NUP98: variants seen among roughly 807,000 people sequenced by gnomAD.
The protein encoded by NUP98 is nuclear pore complex protein Nup98-Nup96.
A neutral mutation model predicts 191.9 loss-of-function variants in NUP98; 26 were observed. That is an observed-to-expected ratio of 0.14 (90% confidence interval 0.10 to 0.19). The LOEUF is 0.19. Ranked by LOEUF, NUP98 falls within the 10% of genes least tolerant of loss-of-function variation. NUP98 has a pLI of 1.00. For synonymous variants in NUP98, 808 were observed against 778.4 expected (o/e 1.04, Z -0.63); for missense variants, 1,941 against 2,178.8 (o/e 0.89, Z 2.17).
chr11:3,766,008 C>G (rs1266659367), intron 8 of NUP98, among the ~76,000 whole-genome samples: 2 of 152,120 alleles, frequency 1.3e-5, no homozygotes, highest in Non-Finnish European at 2.9e-5. Flanking sequence ...TGGACTCTCA[C>G]TTCTATTCAA....
chr11:3,763,013 T>G lies in NUP98; in HGVS notation c.975A>C (p.Ser325=). 6.2e-7 allele frequency: 1 copy of G among 1,614,130 alleles called. No homozygotes were observed. The highest frequency in any genetic ancestry group is 1.1e-5 in the South Asian group (1 of 91,088). The change falls in exon 9 of 33, where the codon TCA becomes TCC. Residue 325 remains serine, a synonymous_variant. Transcript: ENST00000324932. The stretch of plus-strand genomic sequence containing the variant: ...CTGTCCCAAAAAGACCTCCAGGCTG[T>G]GAGGCTTGGGTTACTCCAAATAATC... The part of the protein sequence containing the change: ...TMGLFGVTQA[S]QPGGLFGTAT...
intron 10 of NUP98, among the ~76,000 whole-genome samples, chr11:3,755,715 G>A (rs1046841864): frequency 7.2e-5 from 11 of 151,988 alleles, no homozygotes; most frequent in Non-Finnish European, 1.6e-4. Flanking sequence ...CTGTAATCCC[G>A]CCACTTTGGG....
intron 10 of NUP98, among the ~76,000 whole-genome samples, chr11:3,757,263 C>T (rs2080999575): frequency 6.6e-6 from 1 of 152,008 alleles, no homozygotes; most frequent in East Asian, 1.9e-4. Flanking sequence ...CCAAGACAGG[C>T]AGATCACCTG....
intron 10 of NUP98, among the ~76,000 whole-genome samples, chr11:3,756,641 C>G (rs1459350469): frequency 1.3e-5 from 2 of 151,090 alleles, no homozygotes; most frequent in African/African-American, 4.9e-5. Flanking sequence ...CAGTCTATCT[C>G]GAACTCCTGA....
chr11:3,675,406 CCAGA>C lies in NUP98; in HGVS notation c.*749_*752del, dbSNP rs141043875. On this transcript the variant is annotated 3_prime_UTR_variant, in exon 33 of 33. Coordinates refer to ENST00000324932, the MANE Select transcript of NUP98 (RefSeq NM_016320.5). ...TTTTATCCAAACTCTGCAGGCAAATCCAGACAGAGTCTCAGCAAGACTGAAAACC... is the reference window on the plus strand; with the variant it reads ...TTTTATCCAAACTCTGCAGGCAAATCCAGAGTCTCAGCAAGACTGAAAACC... 0.024 allele frequency: 5,312 copies of C among 226,028 alleles called. 311 individuals carry two copies. The highest frequency in any genetic ancestry group is 0.11 in the African/African-American group (4,969 of 44,980). 14.0% of individuals were successfully genotyped at this position (226,028 alleles called of 1,614,324 possible).
chr11:3,757,386 C>G (rs1398191721), intron 10 of NUP98, among the ~76,000 whole-genome samples: 3 of 151,768 alleles, frequency 2.0e-5, no homozygotes, highest in African/African-American at 7.3e-5. Context: ...ACTCAGGAGG[C>G]TGAGGTGGGA....
intron 14 of NUP98, among the ~76,000 whole-genome samples, chr11:3,725,850 C>T (rs2079597885): frequency 6.6e-6 from 1 of 152,150 alleles, no homozygotes; most frequent in Non-Finnish European, 1.5e-5. Context: ...CACTGTGTCA[C>T]CCACGCTGGT....
chr11:3,786,076 G>A (rs1212357678), intron 1 of NUP98, among the ~76,000 whole-genome samples: 1 of 152,084 alleles, frequency 6.6e-6, no homozygotes, highest in Admixed American at 6.6e-5. Flanking sequence ...AACGATGTAG[G>A]TATTTTTATC....
intron 23 of NUP98, among the ~76,000 whole-genome samples, chr11:3,701,703 T>G (rs80163161): frequency 3.3e-5 from 5 of 151,598 alleles, no homozygotes; most frequent in Non-Finnish European, 4.4e-5. Context: ...TTTTTTTTTT[T>G]GAGACTGAGT....
At chr11:3,754,498 GA>G (rs546784312) in intron 10 of NUP98, among the ~76,000 whole-genome samples, 2 of 152,158 alleles carry the variant, frequency 1.3e-5, no homozygotes, top group South Asian at 4.2e-4. Context: ...TCCTTGCTAA[GA>G]AAAAAATTAC....
intron 18 of NUP98, 144 bp from the exon 19 acceptor site, chr11:3,714,139 T>C (rs2079104433): frequency 4.8e-6 from 4 of 832,620 alleles, no homozygotes; most frequent in South Asian, 1.7e-5. Flanking sequence ...AACTTGAGTT[T>C]TGCCCCATAA....
chr11:3,776,114 G>T, intron 4 of NUP98, 93 bp from the exon 5 acceptor site: 29 of 783,052 alleles, frequency 3.7e-5, no homozygotes, highest in Non-Finnish European at 5.3e-5. Context: ...TAGCATCACA[G>T]TACTTCATTT....
intron 27 of NUP98, among the ~76,000 whole-genome samples, chr11:3,691,921 G>C (rs1247737852): frequency 6.6e-6 from 1 of 152,138 alleles, no homozygotes; most frequent in Non-Finnish European, 1.5e-5. Flanking sequence ...CATGTGCAGT[G>C]GCTTGAGCCT....
In NUP98 at chr11:3,744,460, AG is replaced by A. The variant is rs768514368; in HGVS notation, c.1408+48del. On this transcript the variant is annotated intron_variant, in intron 12 of 32. Transcript: ENST00000324932. ...TGTAGGATGGAAAATCAGGTCAGCA[AG>A]TATTAGCAAAAAATTAAGAAAAGCC... 3 of 1,561,982 alleles carry A rather than the reference AG, an allele frequency of 1.9e-6. No homozygotes were observed. The African/African-American group carries it at 4.1e-5, about 22-fold the overall frequency.
chr11:3,700,467 G>T (rs895127372), intron 24 of NUP98, 143 bp downstream of exon 24: 61 of 552,866 alleles, frequency 1.1e-4, no homozygotes, highest in African/African-American at 1.0e-3. Flanking sequence ...TTGGGAATCT[G>T]CTTAGTTAAA....
chr11:3,688,843 T>TATATA (rs2078216309), intron 28 of NUP98, among the ~76,000 whole-genome samples: 3 of 109,784 alleles, frequency 2.7e-5, no homozygotes, highest in Non-Finnish European at 3.9e-5. Flanking sequence ...ATATATATAT[T>TATATA]TATAAGAAAT....
chr11:3,797,056 G>A (rs1341126959), intron 1 of NUP98, among the ~76,000 whole-genome samples: 2 of 152,226 alleles, frequency 1.3e-5, no homozygotes, highest in African/African-American at 4.8e-5. Context: ...CCGTATTCAG[G>A]GTTTCAAGGC....
intron 11 of NUP98, among the ~76,000 whole-genome samples, chr11:3,748,821 G>C (rs936398087): frequency 1.2e-4 from 18 of 152,132 alleles, no homozygotes; most frequent in Admixed American, 1.1e-3. Flanking sequence ...AATATGTTTA[G>C]GGATCACACT....
chr11:3,723,885 CCA>C (rs1408965414), intron 15 of NUP98, among the ~76,000 whole-genome samples: 1 of 148,056 alleles, frequency 6.8e-6, no homozygotes, highest in East Asian at 2.0e-4. Flanking sequence ...AGAACTTGTG[CCA>C]GTATATAAGG....
Sources: allele counts gnomAD v4.1 joint callset (sites outside exome capture counted in the v4.1 genomes callset), GRCh38; gene constraint gnomAD v4.1.1; transcripts MANE v1.5; gene names NCBI Gene and HGNC (gene_info 2026-07-23, HGNC 2026-07-21).